GRHL3: variants seen among roughly 807,000 people sequenced by gnomAD.
GRHL3 encodes grainyhead like transcription factor 3.
In GRHL3, 20 loss-of-function variants were observed where a neutral mutation model predicts 70.3. The ratio of observed to expected loss-of-function variants is 0.28; its 90% CI spans 0.20 to 0.41. GRHL3 has a LOEUF of 0.41. Among genes scored for constraint, GRHL3 ranks in the 10% least tolerant of loss-of-function variants. The pLI is 1.00. For synonymous variants in GRHL3, 299 were observed against 299.9 expected (o/e 1.00, Z 0.03); for missense variants, 637 against 762.3 (o/e 0.84, Z 1.94).
chr1:24,352,801 A>T (rs1302234805), intron 15 of GRHL3, among the ~76,000 whole-genome samples: 1 of 152,162 alleles, frequency 6.6e-6, no homozygotes, highest in Non-Finnish European at 1.5e-5. Context: ...CCTCTGTGAA[A>T]TGAAGGAACT....
At chr1:24,358,721 G>T, downstream of GRHL3, 1 of 811,754 alleles carries the variant, frequency 1.2e-6, no homozygotes, top group Non-Finnish European at 2.0e-6. Flanking sequence ...GGACCCCTGT[G>T]CCAGCCCCTG....
intron 6 of GRHL3, 57 bp from the exon 7 acceptor site, chr1:24,337,935 A>T: frequency 6.5e-7 from 1 of 1,544,978 alleles, no homozygotes; most frequent in Non-Finnish European, 8.8e-7. Context: ...AGGGCAGGCC[A>T]TTGGAACCAG....
In GRHL3 at chr1:24,342,554, G is replaced by A; in HGVS notation, c.1207-140G>A. ...GCCAGGCTGGGCCAGGTAAGTGCTGGTACCTTCCCATTTCCTGGTCTTGTT... is the reference window on the plus strand; with the variant it reads ...GCCAGGCTGGGCCAGGTAAGTGCTGATACCTTCCCATTTCCTGGTCTTGTT... On this transcript the variant is annotated intron_variant, in intron 9 of 15. Transcript: ENST00000361548. This position sits in a 1 kb window ranked among gnomAD's most constrained non-coding sequence, Gnocchi z 4.8. 4.5e-6 allele frequency: 4 copies of A among 891,270 alleles called. No homozygotes were observed. The highest frequency in any genetic ancestry group is 7.2e-6 in the Non-Finnish European group (4 of 552,196). 55.2% of individuals were successfully genotyped at this position (891,270 alleles called of 1,614,324 possible). A position where few individuals can be genotyped will look rare whatever the true frequency, so the allele number is the denominator to read the frequency against.
At position 24,361,166 on chromosome 1, in the gene GRHL3, G is replaced by A. The variant is rs1641088451; in HGVS notation, c.1695-3019G>A. ...GGAAGAGGACTGGTCACGGCACTGG[G>A]GCAGAGCCCTAGCTCCACTGGTAGT... On this transcript the variant is annotated intron_variant, in intron 15 of 15. Transcript: ENST00000350501. The A allele has an allele frequency of 7.4e-6, 6 of 808,336 alleles. No homozygotes were observed. In the East Asian group the frequency reaches 1.7e-4, roughly 23 times the overall value. The allele number at this position is 808,336 out of a possible 1,614,324, so 50.1% of individuals were successfully genotyped here. A position where few individuals can be genotyped will look rare whatever the true frequency, so the allele number is the denominator to read the frequency against.
downstream of GRHL3, chr1:24,358,381 C>T (rs944645975): frequency 1.2e-5 from 9 of 724,860 alleles, no homozygotes; most frequent in Admixed American, 7.9e-5. Flanking sequence ...AAGACAAAGG[C>T]AATGGCAGCA....
At chr1:24,350,143 C>A (rs755933459) in intron 15 of GRHL3, 21 bp downstream of exon 15, 2 of 1,605,584 alleles carry the variant, frequency 1.2e-6, no homozygotes, top group Non-Finnish European at 8.5e-7. Context: ...AGTTCACCCT[C>A]CCCCAGCTGG....
chr1:24,329,634 A>G (rs924602314), intron 1 of GRHL3, among the ~76,000 whole-genome samples: 10 of 152,216 alleles, frequency 6.6e-5, no homozygotes, highest in African/African-American at 2.2e-4. Flanking sequence ...AATGATCCTT[A>G]CCTTGTAGTG....
chr1:24,331,886 A>T (rs1342328552), intron 2 of GRHL3, among the ~76,000 whole-genome samples: 1 of 152,210 alleles, frequency 6.6e-6, no homozygotes, highest in African/African-American at 2.4e-5. Flanking sequence ...CCTTGATGCC[A>T]TCAAGAATGC....
chr1:24,328,967 C>T (rs940923147), intron 1 of GRHL3, among the ~76,000 whole-genome samples: 6 of 152,104 alleles, frequency 3.9e-5, no homozygotes, highest in East Asian at 1.9e-4. Flanking sequence ...CCATTAGCTC[C>T]GGGCTGGGCA....
chr1:24,336,066 T>A (rs1180795095), intron 3 of GRHL3, among the ~76,000 whole-genome samples: 4 of 152,192 alleles, frequency 2.6e-5, no homozygotes, highest in Non-Finnish European at 5.9e-5. Flanking sequence ...AAACATGTGT[T>A]AATTGTACTC....
Position 24,331,513 on chromosome 1 carries a change from C to T in GRHL3, c.105C>T (p.Tyr35=), listed in dbSNP as rs748884125. The change falls in exon 2 of 16, where the codon TAC becomes TAT. Residue 35 remains tyrosine, a synonymous_variant. Transcript: ENST00000361548. ...GTGAGGATGAGGCCTGGAAGACGTACCTAGAAAACCCGTTGACAGCTGCCA... is the reference window on the plus strand; with the variant it reads ...GTGAGGATGAGGCCTGGAAGACGTATCTAGAAAACCCGTTGACAGCTGCCA... ...YTSEDEAWKT[Y]LENPLTAATK... is the part of the protein sequence containing the mutation. The T allele has an allele frequency of 1.1e-5, 17 of 1,614,046 alleles. No homozygotes were observed. The highest frequency in any genetic ancestry group is 2.2e-5 in the South Asian group (2 of 91,080).
Position 24,346,654 on chromosome 1 carries a change from C to T in GRHL3, c.1543+13C>T. ...GACCTTCAGAGAGGTGACCTCCCGC[C>T]CTCCTCATTTACTCACCAGGCCCAC... On this transcript the variant is annotated intron_variant, in intron 13 of 15. Transcript: ENST00000361548. 7 of 1,601,076 alleles carry T rather than the reference C, an allele frequency of 4.4e-6. No homozygotes were observed. Among genetic ancestry groups the T allele is most frequent in the Non-Finnish European group, 5.1e-6 (6 of 1,169,948 alleles).
chr1:24,356,344 G>A (rs1640718572), downstream of GRHL3, among the ~76,000 whole-genome samples: 1 of 151,352 alleles, frequency 6.6e-6, no homozygotes, highest in Admixed American at 6.6e-5. Flanking sequence ...CCGGGTTCAC[G>A]CCATTCTGCC....
Position 24,337,723 on chromosome 1 carries a change from C to T in GRHL3, c.774C>T (p.Phe258=), listed in dbSNP as rs1212697761. ...TGGCCTACCTCAACAAAGGCCAGTT[C>T]TACCCCGTCACCCTGCGGACCCCAG... ...SPMAYLNKGQ[F]YPVTLRTPAG... The change falls in exon 6 of 16, where the codon TTC becomes TTT. Residue 258 remains phenylalanine, a synonymous_variant. Coordinates refer to ENST00000361548, the MANE Select transcript of GRHL3 (RefSeq NM_198173.3). 1 of 1,614,240 alleles carries T rather than the reference C, an allele frequency of 6.2e-7. No homozygotes were observed. Among genetic ancestry groups the T allele is most frequent in the Non-Finnish European group, 8.5e-7 (1 of 1,180,042 alleles).
downstream of GRHL3, among the ~76,000 whole-genome samples, chr1:24,359,023 G>C (rs953864735): frequency 6.6e-6 from 1 of 152,208 alleles, no homozygotes; most frequent in African/African-American, 2.4e-5. This position sits in a 1 kb window ranked among gnomAD's most constrained non-coding sequence, Gnocchi z 5.3. Flanking sequence ...TATAGGAGAT[G>C]AGCAGGGCTT....
downstream of GRHL3, chr1:24,358,461 G>A (rs752213248): frequency 7.4e-5 from 88 of 1,185,672 alleles, no homozygotes; most frequent in Non-Finnish European, 9.5e-5. Context: ...ACTCATGATC[G>A]GTCTCCTCCT....
chr1:24,345,198 T>TACACCTGTGCCCCCTCC (rs1640223904), intron 12 of GRHL3, among the ~76,000 whole-genome samples: 1 of 842 alleles, frequency 1.2e-3, no homozygotes, highest in African/African-American at 6.9e-3. Context: ...GTGCCCCCTC[T>TACACCTGTGCCCCCTCC]ACACCTGTGC....
rs1279202183 is a variant in GRHL3, at chr1:24,321,749, G to C, written c.17+2181G>C. The C allele has an allele frequency of 6.6e-6, 1 of 152,204 alleles. No individual in the cohort carries two copies. The highest frequency in any genetic ancestry group is 1.5e-5 in the Non-Finnish European group (1 of 68,050). 9.4% of individuals were successfully genotyped at this position (152,204 alleles called of 1,614,324 possible). A position where few individuals can be genotyped will look rare whatever the true frequency, so the allele number is the denominator to read the frequency against. On this transcript the variant is annotated intron_variant, in intron 1 of 15. Coordinates refer to ENST00000361548, the MANE Select transcript of GRHL3 (RefSeq NM_198173.3). The surrounding 1 kb of genome is among the most constrained non-coding windows in gnomAD (Gnocchi z 4.0). Reference sequence around the variant, plus strand: ...GGTGGCCAGGCCCCGGGTGTAAGGCGGCACTTCGAAGGCTGGTCTCTGAGA... The same window carrying C: ...GGTGGCCAGGCCCCGGGTGTAAGGCCGCACTTCGAAGGCTGGTCTCTGAGA...
chr1:24,342,004 C>A lies in GRHL3; in HGVS notation c.1048-111C>A. On this transcript the variant is annotated intron_variant, in intron 8 of 15. Coordinates refer to ENST00000361548, the MANE Select transcript of GRHL3 (RefSeq NM_198173.3). The surrounding 1 kb of genome is among the most constrained non-coding windows in gnomAD (Gnocchi z 4.8). ...TTTGCCTTCTAGGGGCCTAGTGAGGCTTAAGGGTGAGCAGCAGGCACACAG... is the reference window on the plus strand; with the variant it reads ...TTTGCCTTCTAGGGGCCTAGTGAGGATTAAGGGTGAGCAGCAGGCACACAG... 2 of 1,042,362 alleles carry A rather than the reference C, an allele frequency of 1.9e-6. No individual in the cohort carries two copies. 64.6% of individuals were successfully genotyped at this position (1,042,362 alleles called of 1,614,324 possible). A position where few individuals can be genotyped will look rare whatever the true frequency, so the allele number is the denominator to read the frequency against.
Sources: gnomAD v4.1 joint callset for allele counts (sites outside exome capture counted in the v4.1 genomes callset) on GRCh38, gnomAD v4.1.1 for gene constraint, Gnocchi (gnomAD v3.1) non-coding constraint, MANE v1.5 for transcripts, NCBI Gene and HGNC (gene_info 2026-07-23, HGNC 2026-07-21) for gene names.